SLC12A2: variants seen among roughly 807,000 people sequenced by gnomAD.
SLC12A2 encodes the protein solute carrier family 12 member 2.
SLC12A2 carries 67 observed loss-of-function variants against 136.3 expected under a neutral mutation model. The observed-to-expected ratio is 0.49, with a 90% confidence interval of 0.40 to 0.60. The LOEUF (loss-of-function observed/expected upper bound fraction) is 0.60, where lower values mean the gene tolerates loss of function less well. SLC12A2 is among the 20% of genes least tolerant of loss of function. The pLI is 0.00. For synonymous variants in SLC12A2, 619 were observed against 562.9 expected (o/e 1.10, Z -1.41); for missense variants, 1,322 against 1,534.7 (o/e 0.86, Z 2.32).
At chr5:128,085,392 A>C (rs887553412) in intron 1 of SLC12A2, among the ~76,000 whole-genome samples, 1 of 152,178 alleles carries the variant, frequency 6.6e-6, no homozygotes, top group Non-Finnish European at 1.5e-5. Flanking sequence ...AAAGGGAAAC[A>C]GGAGAATTGG....
At chr5:128,164,893 G>A (rs1488578607) in intron 17 of SLC12A2, among the ~76,000 whole-genome samples, 1 of 148,544 alleles carries the variant, frequency 6.7e-6, no homozygotes. Flanking sequence ...TGTCTCCCAG[G>A]TTGGAGTGCA....
Position 128,084,419 on chromosome 5 carries a change from C to G in SLC12A2, c.465C>G (p.Ser155Arg). Residue 155 changes from serine (S) to arginine (R), a missense_variant, in exon 1 of 27, where the codon AGC (serine) becomes AGG (arginine). Physicochemically the swap from Ser to Arg is moderately radical, Grantham distance 110. Around this residue, in one of 8 missense-constraint regions of SLC12A2, gnomAD observed 358 missense variants for 299.7 expected, o/e 1.19. Transcript: ENST00000262461. The surrounding 1 kb of genome is among the most constrained non-coding windows in gnomAD (Gnocchi z 5.6). The stretch of plus-strand genomic sequence containing the variant: ...CTGCCTCCTCGTCGGCTGAAGACAG[C>G]CTGTCAGATGCTGCCGGGGTCGGAG... The part of the protein sequence containing the change: ...DPAASSSAED[S>R]LSDAAGVGVD... 1 of 1,612,186 alleles carries G rather than the reference C, an allele frequency of 6.2e-7. No homozygotes were observed. The highest frequency in any genetic ancestry group is 8.5e-7 in the Non-Finnish European group (1 of 1,179,316).
intron 4 of SLC12A2, among the ~76,000 whole-genome samples, chr5:128,120,964 T>C (rs1177761162): frequency 6.6e-6 from 1 of 152,198 alleles, no homozygotes; most frequent in Non-Finnish European, 1.5e-5. Context: ...TTATATTTTA[T>C]TAATTGAATA....
chr5:128,084,076 C>T lies in SLC12A2; in HGVS notation c.122C>T (p.Ser41Leu), dbSNP rs1430208610. The change falls in exon 1 of 27, where the codon TCG (serine) becomes TTG (leucine). Residue 41 changes from serine (S) to leucine (L), a missense_variant. Physicochemically the swap from Ser to Leu is moderately radical, Grantham distance 145. Transcript: ENST00000262461. The surrounding 1 kb of genome is among the most constrained non-coding windows in gnomAD (Gnocchi z 5.6). The part of the protein sequence containing the change: ...RVELPGTAVP[S>L]VPEDAAPASR... Reference sequence around the variant, plus strand: ...GAACTGCCCGGCACGGCTGTGCCCTCGGTGCCGGAGGATGCTGCGCCCGCG... The same window carrying T: ...GAACTGCCCGGCACGGCTGTGCCCTTGGTGCCGGAGGATGCTGCGCCCGCG... 2.3e-6 allele frequency: 3 copies of T among 1,317,146 alleles called. No individual in the cohort carries two copies. The highest frequency in any genetic ancestry group is 2.9e-6 in the Non-Finnish European group (3 of 1,037,292). The allele number at this position is 1,317,146 out of a possible 1,614,324, so 81.6% of individuals were successfully genotyped here.
At chr5:128,126,966 A>ATATATAATT in intron 4 of SLC12A2, among the ~76,000 whole-genome samples, 3 of 21,156 alleles carry the variant, frequency 1.4e-4, no homozygotes, top group Non-Finnish European at 2.3e-4. Flanking sequence ...ATATATATAT[A>ATATATAATT]TTTTTTTTTT....
chr5:128,105,324 T>C (rs1223013439), intron 1 of SLC12A2, among the ~76,000 whole-genome samples: 2 of 151,968 alleles, frequency 1.3e-5, no homozygotes, highest in Non-Finnish European at 2.9e-5. Flanking sequence ...CCATGGAAAA[T>C]ACGGGATGAG....
At chr5:128,178,780 C>T in intron 22 of SLC12A2, 91 bp downstream of exon 22, 1 of 995,412 alleles carries the variant, frequency 1.0e-6, no homozygotes, top group Non-Finnish European at 1.4e-6. Flanking sequence ...CTGTGGACCC[C>T]ATTCAAATTT....
At chr5:128,151,131 A>G in intron 13 of SLC12A2, 110 bp from the exon 14 acceptor site, 2 of 861,254 alleles carry the variant, frequency 2.3e-6, no homozygotes, top group East Asian at 2.6e-5. Flanking sequence ...TAATGCTTAA[A>G]GTCCTCTCAG....
rs1251936589 is a variant in SLC12A2, at chr5:128,187,211, G to A, written c.*580G>A. On this transcript the variant is annotated 3_prime_UTR_variant, in exon 27 of 27. Coordinates refer to ENST00000262461, the MANE Select transcript of SLC12A2 (RefSeq NM_001046.3). ...TAATCAAAAATGGGGAAGGGGAAATGGTAACCAAAAAGTAACCCCATGGTA... is the reference window on the plus strand; with the variant it reads ...TAATCAAAAATGGGGAAGGGGAAATAGTAACCAAAAAGTAACCCCATGGTA... The A allele has an allele frequency of 1.3e-5, 2 of 152,584 alleles. No individual in the cohort carries two copies. The highest frequency in any genetic ancestry group is 1.5e-5 in the Non-Finnish European group (1 of 68,116). The allele number at this position is 152,584 out of a possible 1,614,324, so 9.5% of individuals were successfully genotyped here.
intron 17 of SLC12A2, among the ~76,000 whole-genome samples, chr5:128,163,880 T>G (rs973299929): frequency 6.6e-6 from 1 of 152,190 alleles, no homozygotes; most frequent in Non-Finnish European, 1.5e-5. Context: ...AACGGCGCGG[T>G]AGATACATGA....
intron 18 of SLC12A2, chr5:128,168,159 A>T: frequency 5.4e-6 from 1 of 185,554 alleles, no homozygotes; most frequent in Non-Finnish European, 1.1e-5. Context: ...AAGTTTGTAA[A>T]CTTTTTCCTA....
chr5:128,186,698 C>A lies in SLC12A2; in HGVS notation c.*67C>A. On this transcript the variant is annotated 3_prime_UTR_variant, in exon 27 of 27. Coordinates refer to ENST00000262461, the MANE Select transcript of SLC12A2 (RefSeq NM_001046.3). ...TGCCTAGTGTAGTAACTGAAATCTT[C>A]AATGACACATTAACATCACAATGGC... is the stretch of plus-strand genomic sequence containing the variant. The A allele has an allele frequency of 6.9e-7, 1 of 1,459,062 alleles. No homozygotes were observed. Among genetic ancestry groups the A allele is most frequent in the Non-Finnish European group, 9.5e-7 (1 of 1,054,854 alleles). 90.4% of individuals were successfully genotyped at this position (1,459,062 alleles called of 1,614,324 possible).
chr5:128,114,133 T>C (rs1314374128), intron 2 of SLC12A2, 79 bp from the exon 3 acceptor site: 5 of 1,007,720 alleles, frequency 5.0e-6, no homozygotes, highest in Non-Finnish European at 7.7e-6. Flanking sequence ...CATGTTCTAC[T>C]TTGACTGGTT....
chr5:128,137,431 T>C (rs553533754), intron 7 of SLC12A2, among the ~76,000 whole-genome samples: 3 of 152,214 alleles, frequency 2.0e-5, no homozygotes, highest in Non-Finnish European at 2.9e-5. Flanking sequence ...TTATATTTGC[T>C]TAGCCTTCTG....
rs1217967155 is a variant in SLC12A2 at position 128,084,560 on chromosome 5, TACCCAC to T, written c.610_615del (p.His204_Thr205del). The T allele has an allele frequency of 3.1e-6, 5 of 1,613,638 alleles. No individual in the cohort carries two copies. In the South Asian group the frequency reaches 5.5e-5, roughly 18 times the overall value. Reference sequence around the variant, plus strand: ...GGCACCACCAGCACTACTATTATGATACCCACACCAACACCTACTACCTGCGCACCT... The same window carrying T: ...GGCACCACCAGCACTACTATTATGATACCAACACCTACTACCTGCGCACCT... On this transcript the variant is annotated inframe_deletion, in exon 1 of 27. Coordinates refer to ENST00000262461, the MANE Select transcript of SLC12A2 (RefSeq NM_001046.3). The surrounding 1 kb of genome is among the most constrained non-coding windows in gnomAD (Gnocchi z 5.6).
rs555074961 is a variant in SLC12A2 at position 128,115,657 on chromosome 5, T to C, written c.1048+976T>C. On this transcript the variant is annotated intron_variant, in intron 4 of 26. Coordinates refer to ENST00000262461, the MANE Select transcript of SLC12A2 (RefSeq NM_001046.3). ...AGATCCCTGGAGAAAGGAGACAAAA[T>C]GTCTGCCAGCACCTGTAAAGTCATG... Among the ~76,000 whole-genome samples, 5 of 152,308 alleles carry C rather than the reference T, an allele frequency of 3.3e-5. No individual in the cohort carries two copies. In the South Asian group the frequency reaches 1.0e-3, roughly 32 times the overall value.
Position 128,161,801 on chromosome 5 carries a change from G to A in SLC12A2, c.2616+1G>A. The A allele has an allele frequency of 6.9e-7, 1 of 1,441,362 alleles. No individual in the cohort carries two copies. Among genetic ancestry groups the A allele is most frequent in the Non-Finnish European group, 9.1e-7 (1 of 1,097,390 alleles). The allele number at this position is 1,441,362 out of a possible 1,614,324, so 89.3% of individuals were successfully genotyped here. ...AGAAGGTGCACAGTATTTGATGCAGGTAACTTTGTTAATGCTTTTCAAATG... is the reference window on the plus strand; with the variant it reads ...AGAAGGTGCACAGTATTTGATGCAGATAACTTTGTTAATGCTTTTCAAATG... On this transcript the variant is annotated splice_donor_variant, in intron 17 of 26. Coordinates refer to ENST00000262461, the MANE Select transcript of SLC12A2 (RefSeq NM_001046.3). LOFTEE classifies it high-confidence loss of function.
intron 1 of SLC12A2, chr5:128,109,909 T>C (rs1474371438): frequency 5.0e-6 from 4 of 803,142 alleles, no homozygotes; most frequent in African/African-American, 1.7e-5. Flanking sequence ...CTTTGCAAGA[T>C]AGTGCAGCCT....
intron 1 of SLC12A2, among the ~76,000 whole-genome samples, chr5:128,102,594 G>A (rs201925372): frequency 1.9e-4 from 2 of 10,386 alleles, no homozygotes; most frequent in African/African-American, 6.8e-4. Context: ...CCCCCCCCCC[G>A]CCTTTTTTTT....
Sources: gnomAD v4.1 joint callset for allele counts (sites outside exome capture counted in the v4.1 genomes callset) on GRCh38, gnomAD v4.1.1 for gene constraint, gnomAD v4.1.1 regional missense constraint, Gnocchi (gnomAD v3.1) non-coding constraint, MANE v1.5 for transcripts, NCBI Gene and HGNC (gene_info 2026-07-23, HGNC 2026-07-21) for gene names.